The following DGKD variants were observed in gnomAD, a reference collection of about 807,000 sequenced individuals.
DGKD encodes the protein DAG kinase delta.
A neutral mutation model predicts 154.4 loss-of-function variants in DGKD; 68 were observed. The ratio of observed to expected loss-of-function variants is 0.44; its 90% CI spans 0.36 to 0.54. DGKD has a LOEUF of 0.54. DGKD is among the 20% of genes least tolerant of loss of function. The pLI, the probability that DGKD is intolerant of heterozygous loss-of-function variation, is 0.00. For missense variants in DGKD, 1,343 were observed against 1,593.6 expected (o/e 0.84, Z 2.68); for synonymous variants, 693 against 638.0 (o/e 1.09, Z -1.30).
At chr2:233,464,093 C>T (rs576452687) in intron 26 of DGKD, 71 bp from the exon 27 acceptor site, 23 of 1,593,678 alleles carry the variant, frequency 1.4e-5, no homozygotes, top group East Asian at 2.3e-5. Context: ...GCGGACCTCA[C>T]CCCCCTGGGC....
chr2:233,457,667 G>A lies in DGKD; in HGVS notation c.2580+339G>A, dbSNP rs1451014518. The A allele has an allele frequency of 2.2e-6, 1 of 460,956 alleles. No individual in the cohort carries two copies. Among genetic ancestry groups the A allele is most frequent in the Non-Finnish European group, 4.3e-6 (1 of 233,380 alleles). The allele number at this position is 460,956 out of a possible 1,614,324, so 28.6% of individuals were successfully genotyped here. A position where few individuals can be genotyped will look rare whatever the true frequency, so the allele number is the denominator to read the frequency against. The stretch of plus-strand genomic sequence containing the variant: ...AAGTTAGGTGGGCAGAGGAGAGGGG[G>A]AGGCTGTTCCAGGCAGAGAGAATTG... On this transcript the variant is annotated intron_variant, in intron 21 of 29. Transcript: ENST00000264057. This position sits in a 1 kb window ranked among gnomAD's most constrained non-coding sequence, Gnocchi z 5.5.
intron 3 of DGKD, among the ~76,000 whole-genome samples, chr2:233,408,241 CA>C (rs200955898): frequency 0.01 from 1,551 of 152,266 alleles, 30 homozygotes; most frequent in African/African-American, 0.035. Flanking sequence ...AGGGTTTCAC[CA>C]TGTTGGCCAG....
intron 26 of DGKD, among the ~76,000 whole-genome samples, chr2:233,463,600 C>G (rs1260564817): frequency 4.0e-5 from 6 of 149,012 alleles, no homozygotes; most frequent in Admixed American, 1.3e-4. Flanking sequence ...CTCCACGCAT[C>G]TCCTCACTCC....
In DGKD at chr2:233,457,883, T is replaced by G; in HGVS notation, c.2581-401T>G. 3.1e-6 allele frequency: 1 copy of G among 327,690 alleles called. No individual in the cohort carries two copies. The highest frequency in any genetic ancestry group is 6.0e-6 in the Non-Finnish European group (1 of 167,028). 20.3% of individuals were successfully genotyped at this position (327,690 alleles called of 1,614,324 possible). A position where few individuals can be genotyped will look rare whatever the true frequency, so the allele number is the denominator to read the frequency against. Reference sequence around the variant, plus strand: ...GAACTGTGGGAAGGTGTTGATAGGTTTAAACCTGGTTTAAACCTTCCTTTG... The same window carrying G: ...GAACTGTGGGAAGGTGTTGATAGGTGTAAACCTGGTTTAAACCTTCCTTTG... On this transcript the variant is annotated intron_variant, in intron 21 of 29. Coordinates refer to ENST00000264057, the MANE Select transcript of DGKD (RefSeq NM_152879.3). This position sits in a 1 kb window ranked among gnomAD's most constrained non-coding sequence, Gnocchi z 5.5.
rs750457087 is a variant in DGKD, at chr2:233,462,663, C to A, written c.3114C>A (p.Val1038=). The change falls in exon 26 of 30, where the codon GTC becomes GTA. Residue 1038 remains valine (V), a synonymous_variant. Coordinates refer to ENST00000264057, the MANE Select transcript of DGKD (RefSeq NM_152879.3). ...RTTEGLNCSF[V]LEMVNNFRAL... The stretch of plus-strand genomic sequence containing the variant: ...TCTAGGGGCTCAACTGCAGCTTCGT[C>A]CTGGAAATGGTGAATAACTTCAGAG... The A allele has an allele frequency of 6.2e-7, 1 of 1,614,050 alleles. No homozygotes were observed. The highest frequency in any genetic ancestry group is 1.3e-5 in the African/African-American group (1 of 74,928).
At chr2:233,433,523 G>A (rs914068873) in intron 3 of DGKD, among the ~76,000 whole-genome samples, 1 of 152,164 alleles carries the variant, frequency 6.6e-6, no homozygotes, top group Non-Finnish European at 1.5e-5. Context: ...GTATTTGATA[G>A]CACAACGGGG....
intron 1 of DGKD, among the ~76,000 whole-genome samples, chr2:233,360,299 C>G (rs183938705): frequency 2.6e-5 from 4 of 152,040 alleles, no homozygotes; most frequent in Admixed American, 6.5e-5. Context: ...GGGTCTTGCT[C>G]GGTCGTCCAG....
chr2:233,398,749 C>T (rs1174383693), intron 3 of DGKD, among the ~76,000 whole-genome samples: 1 of 152,104 alleles, frequency 6.6e-6, no homozygotes, highest in Non-Finnish European at 1.5e-5. Flanking sequence ...CTCAGCCTTC[C>T]GAGTAGCTGG....
chr2:233,408,157 C>G (rs576084585), intron 3 of DGKD, among the ~76,000 whole-genome samples: 1 of 151,680 alleles, frequency 6.6e-6, no homozygotes, highest in Non-Finnish European at 1.5e-5. Context: ...GTTCTCCTGC[C>G]TCAGCCTCCC....
chr2:233,437,454 G>C lies in DGKD; in HGVS notation c.897G>C (p.Thr299=). 6.2e-7 allele frequency: 1 copy of C among 1,614,184 alleles called. No homozygotes were observed. The highest frequency in any genetic ancestry group is 8.5e-7 in the Non-Finnish European group (1 of 1,180,018). The change falls in exon 8 of 30, where the codon ACG becomes ACC. Residue 299 remains threonine (T), a synonymous_variant. Transcript: ENST00000264057. ...GLCKVSVIPP[T]ALNSIDSDGF... Reference sequence around the variant, plus strand: ...GCAAAGTGTCAGTCATCCCACCCACGGCTCTCAACAGCATCGACTCCGATG... The same window carrying C: ...GCAAAGTGTCAGTCATCCCACCCACCGCTCTCAACAGCATCGACTCCGATG...
Position 233,467,125 on chromosome 2 carries a change from A to G in DGKD, c.3346A>G (p.Lys1116Glu), listed in dbSNP as rs1382282673. The G allele has an allele frequency of 6.2e-7, 1 of 1,614,230 alleles. No individual in the cohort carries two copies. The highest frequency in any genetic ancestry group is 8.5e-7 in the Non-Finnish European group (1 of 1,180,030). The part of the protein sequence containing the change: ...LDLAKRSRSG[K>E]FRLVTKFKKE... The stretch of plus-strand genomic sequence containing the variant: ...TCTTGCCAAGCGCAGTCGCAGTGGT[A>G]AATTCCGCCTCGTGACCAAGTTTAA... Residue 1116 changes from lysine to glutamate, a missense_variant, in exon 28 of 30, where the codon AAA becomes GAA. By Grantham distance (56) the Lys-to-Glu change is moderately conservative. Transcript: ENST00000264057.
At chr2:233,380,415 T>C (rs1482033172) in intron 1 of DGKD, among the ~76,000 whole-genome samples, 1 of 152,210 alleles carries the variant, frequency 6.6e-6, no homozygotes, top group Non-Finnish European at 1.5e-5. Context: ...GGACCCACAC[T>C]GGCTACCTTG....
intron 2 of DGKD, chr2:233,388,666 G>A (rs934859561): frequency 9.0e-5 from 22 of 244,336 alleles, no homozygotes; most frequent in African/African-American, 4.0e-4. Context: ...TCAGAAAGGC[G>A]GAGGGAATCA....
intron 28 of DGKD, 72 bp from the exon 29 acceptor site, chr2:233,468,351 G>A: frequency 1.9e-6 from 3 of 1,576,442 alleles, no homozygotes; most frequent in South Asian, 2.3e-5. Context: ...TCGGGTGCTG[G>A]GTGCCAGCTG....
rs2063336134 is a variant in DGKD, at chr2:233,452,897, G to T, written c.2264+837G>T. Among the ~76,000 whole-genome samples the T allele has an allele frequency of 6.6e-6, 1 of 152,178 alleles. No individual in the cohort carries two copies. Among genetic ancestry groups the T allele is most frequent in the Admixed American group, 6.5e-5 (1 of 15,282 alleles). ...CAGGAAGAAATGTGCGGTTCACAGA[G>T]GCTCTGGGTTTGGGAAAGTGGACCC... On this transcript the variant is annotated intron_variant, in intron 18 of 29. Coordinates refer to ENST00000264057, the MANE Select transcript of DGKD (RefSeq NM_152879.3). This position sits in a 1 kb window ranked among gnomAD's most constrained non-coding sequence, Gnocchi z 4.0.
chr2:233,465,648 A>G (rs1289109326), intron 27 of DGKD, among the ~76,000 whole-genome samples: 1 of 152,218 alleles, frequency 6.6e-6, no homozygotes, highest in Non-Finnish European at 1.5e-5. Context: ...AAAGATTTAT[A>G]TCTTCCAAAT....
At chr2:233,409,816 T>TA (rs1190204338) in intron 3 of DGKD, among the ~76,000 whole-genome samples, 2 of 76,900 alleles carry the variant, frequency 2.6e-5, no homozygotes, top group East Asian at 4.3e-4. Flanking sequence ...TTTTTTTTTT[T>TA]AAGACAGGAG....
chr2:233,382,031 C>A (rs1161978793), intron 1 of DGKD, among the ~76,000 whole-genome samples: 1 of 152,120 alleles, frequency 6.6e-6, no homozygotes, highest in Non-Finnish European at 1.5e-5. Context: ...GTCAGGAGTT[C>A]GAGACCAGCC....
chr2:233,382,410 TTTG>T (rs957301419), intron 1 of DGKD, among the ~76,000 whole-genome samples: 2 of 152,236 alleles, frequency 1.3e-5, no homozygotes, highest in African/African-American at 4.8e-5. Context: ...TACCTGCTTT[TTTG>T]TTGTTGTTGA....
Sources: gnomAD v4.1 joint callset for allele counts (sites outside exome capture counted in the v4.1 genomes callset) on GRCh38, gnomAD v4.1.1 for gene constraint, Gnocchi (gnomAD v3.1) non-coding constraint, MANE v1.5 for transcripts, NCBI Gene and HGNC (gene_info 2026-07-23, HGNC 2026-07-21) for gene names.